Variants in SORBS2 observed in about 807,000 individuals in gnomAD.
SORBS2 encodes sorbin and SH3 domain-containing protein 2.
SORBS2 carries 46 observed loss-of-function variants against 97.7 expected under a neutral mutation model. The observed-to-expected ratio is 0.47, with a 90% CI of 0.37 to 0.60. SORBS2 has a LOEUF of 0.60. Among genes scored for constraint, SORBS2 ranks in the 20% least tolerant of loss-of-function variants. The probability of loss-of-function intolerance (pLI) is 0.00; values close to 1 mark genes in which losing one functional copy is unlikely to be tolerated. For synonymous variants in SORBS2, 476 were observed against 473.4 expected, an observed-to-expected ratio of 1.01 and a Z score of -0.07; for missense variants, 1,316 against 1,282.3, an observed-to-expected ratio of 1.03 and a Z score of -0.40.
chr4:185,587,303 A>C, exon 15 of SORBS2: 1 of 274,136 alleles, frequency 3.6e-6, no homozygotes. Context: ...TCCTGGAGAC[A>C]CTTTTTTTTT....
intron 12 of SORBS2, among the ~76,000 whole-genome samples, chr4:185,604,534 A>G (rs1580749679): frequency 6.6e-6 from 1 of 152,360 alleles, no homozygotes; most frequent in East Asian, 1.9e-4. Context: ...CGGAGGCTTA[A>G]ATATCGAGGA....
chr4:185,755,463 C>T (rs940691164), intron 2 of SORBS2, among the ~76,000 whole-genome samples: 8 of 152,220 alleles, frequency 5.3e-5, no homozygotes, highest in Non-Finnish European at 1.2e-4. Flanking sequence ...GCACCAGAAG[C>T]ATACACAAAT....
intron 1 of SORBS2, among the ~76,000 whole-genome samples, chr4:185,844,785 G>A (rs557470406): frequency 1.6e-4 from 24 of 152,316 alleles, no homozygotes; most frequent in African/African-American, 5.8e-4. Flanking sequence ...AAAAGGGAAT[G>A]AAGTACTGAT....
chr4:185,819,592 C>T (rs981338802), intron 1 of SORBS2, among the ~76,000 whole-genome samples: 1 of 152,192 alleles, frequency 6.6e-6, no homozygotes, highest in Non-Finnish European at 1.5e-5. Context: ...GCTGCCTCTG[C>T]CAGCTCATGT....
intron 2 of SORBS2, among the ~76,000 whole-genome samples, chr4:185,690,318 A>G (rs1382646021): frequency 6.6e-6 from 1 of 152,250 alleles, no homozygotes; most frequent in African/African-American, 2.4e-5. Flanking sequence ...TATAGGAGTT[A>G]GTTTTAACAT....
In SORBS2 at chr4:185,750,053, C is replaced by G. The variant is rs373266788; in HGVS notation, c.-198+25174G>C. On this transcript the variant is annotated intron_variant, in intron 2 of 20. Transcript: ENST00000284776. ...ATATGTGCAAATACCACCCTCTGTTCAGATCTGCATGTTGCAGAAAGACAC... is the reference window on the plus strand; with the variant it reads ...ATATGTGCAAATACCACCCTCTGTTGAGATCTGCATGTTGCAGAAAGACAC... 3.3e-5 allele frequency among the ~76,000 whole-genome samples: 5 copies of G among 152,352 alleles called. No individual in the cohort carries two copies. The South Asian group carries it at 6.2e-4, about 19-fold the overall frequency.
chr4:185,924,724 C>A (rs557854883), intron 1 of SORBS2, among the ~76,000 whole-genome samples: 1 of 152,332 alleles, frequency 6.6e-6, no homozygotes, highest in Admixed American at 6.5e-5. Context: ...TCAGACACCG[C>A]CTCCTCCAGA....
At chr4:185,889,315 T>C (rs975979053) in intron 1 of SORBS2, among the ~76,000 whole-genome samples, 2 of 152,130 alleles carry the variant, frequency 1.3e-5, no homozygotes, top group Non-Finnish European at 2.9e-5. Flanking sequence ...GAAAATGCAA[T>C]TGCTCCCTTT....
At chr4:185,825,001 G>C (rs143047133) in intron 1 of SORBS2, among the ~76,000 whole-genome samples, 70 of 152,226 alleles carry the variant, frequency 4.6e-4, no homozygotes, top group Middle Eastern at 6.8e-3. Flanking sequence ...GAACACCTGG[G>C]ATTTCATTGC....
At chr4:185,704,913 G>A (rs111811135) in intron 2 of SORBS2, among the ~76,000 whole-genome samples, 29 of 152,316 alleles carry the variant, frequency 1.9e-4, no homozygotes, top group Admixed American at 7.2e-4. Context: ...CAGCTCATGC[G>A]GTGCAGGAGT....
chr4:185,878,328 A>G (rs1170010441), intron 1 of SORBS2, among the ~76,000 whole-genome samples: 4 of 152,236 alleles, frequency 2.6e-5, no homozygotes, highest in African/African-American at 9.6e-5. Flanking sequence ...CAATATCCAT[A>G]TATGAGGATC....
chr4:185,789,793 T>A (rs961610016), intron 1 of SORBS2, among the ~76,000 whole-genome samples: 2 of 152,212 alleles, frequency 1.3e-5, no homozygotes, highest in Non-Finnish European at 2.9e-5. Flanking sequence ...TAGAAGTTTT[T>A]GAAAATGTGC....
At chr4:185,587,410 G>A (rs2095812860) in exon 15 of SORBS2, 1 of 553,140 alleles carries the variant, frequency 1.8e-6, no homozygotes, top group Non-Finnish European at 3.2e-6. Flanking sequence ...GCAGGAAGTA[G>A]GAATCCACAC....
At chr4:185,656,945 C>T (rs2097417061) in exon 1 of SORBS2, 2 of 1,153,456 alleles carry the variant, frequency 1.7e-6, no homozygotes, top group Non-Finnish European at 1.1e-6. Flanking sequence ...TCACTCCAAT[C>T]ATCTCACCTC....
chr4:185,932,023 G>T (rs1561313114), intron 1 of SORBS2, among the ~76,000 whole-genome samples: 1 of 150,508 alleles, frequency 6.6e-6, no homozygotes, highest in Non-Finnish European at 1.5e-5. Flanking sequence ...TATATAGATA[G>T]ATATAGATAT....
intron 2 of SORBS2, among the ~76,000 whole-genome samples, chr4:185,701,087 G>A (rs539824019): frequency 6.6e-6 from 1 of 152,310 alleles, no homozygotes; most frequent in South Asian, 2.1e-4. Context: ...GAGATTGTTA[G>A]TTGGCATATT....
chr4:185,821,256 C>A (rs1189177119), intron 1 of SORBS2, among the ~76,000 whole-genome samples: 3 of 152,144 alleles, frequency 2.0e-5, no homozygotes, highest in African/African-American at 4.8e-5. Context: ...GAGGAAGTGG[C>A]AGCTGTGACT....
intron 2 of SORBS2, among the ~76,000 whole-genome samples, chr4:185,751,449 A>T (rs11132344): frequency 0.075 from 11,479 of 152,142 alleles, 704 homozygotes; most frequent in East Asian, 0.19. Context: ...ATTTTGCTAA[A>T]TTAGGTGAAA....
intron 1 of SORBS2, chr4:185,918,118 A>G (rs557988034): frequency 6.6e-6 from 1 of 152,332 alleles, no homozygotes; most frequent in South Asian, 2.1e-4. Context: ...GGCATCAAAC[A>G]AACTCAAAAT....
Sources: gnomAD v4.1 joint callset for allele counts (sites outside exome capture counted in the v4.1 genomes callset) on GRCh38, gnomAD v4.1.1 for gene constraint, MANE v1.5 for transcripts, NCBI Gene and HGNC (gene_info 2026-07-23, HGNC 2026-07-21) for gene names.